The following ANKRD31 variants were observed in gnomAD, a reference collection of about 807,000 sequenced individuals.
The protein encoded by ANKRD31 is ankyrin repeat domain-containing protein 31.
ANKRD31 carries 147 observed loss-of-function variants against 186.0 expected under a neutral mutation model. That is an observed-to-expected ratio of 0.79 (90% CI 0.69 to 0.91). The LOEUF is 0.91. Among genes scored for constraint, ANKRD31 ranks in the 40% least tolerant of loss-of-function variants. The pLI is 0.00. For synonymous variants in ANKRD31, 673 were observed against 736.4 expected, an observed-to-expected ratio of 0.91 and a Z score of 1.39; for missense variants, 1,986 against 2,148.8, an observed-to-expected ratio of 0.92 and a Z score of 1.50.
intron 24 of ANKRD31, among the ~76,000 whole-genome samples, chr5:75,081,731 A>C (rs1745097627): frequency 6.6e-6 from 1 of 151,550 alleles, no homozygotes; most frequent in Non-Finnish European, 1.5e-5. Context: ...AGAGAGAGAG[A>C]GAGAGAAAGG....
intron 2 of ANKRD31, among the ~76,000 whole-genome samples, chr5:75,224,180 C>CAT (rs2150311878): frequency 8.7e-6 from 1 of 115,120 alleles, no homozygotes; most frequent in African/African-American, 3.9e-5. Flanking sequence ...TATATATATA[C>CAT]ACACATTTCT....
chr5:75,140,291 AAGGAAGGAAGG>A (rs371144956), intron 15 of ANKRD31, among the ~76,000 whole-genome samples: 4 of 41,398 alleles, frequency 9.7e-5, no homozygotes, highest in Middle Eastern at 0.015. Context: ...GAAAGAAAGG[AAGGAAGGAAGG>A]AAGGAAGGAA....
rs183603308 is a variant in ANKRD31 at position 75,223,442 on chromosome 5, C to T, written c.179-1084G>A. On this transcript the variant is annotated intron_variant, in intron 2 of 25. Coordinates refer to ENST00000506364, the MANE Select transcript of ANKRD31 (RefSeq NM_001372053.1). ...TTCATTTTAGATTGTTTTTTTGAAACTCATAATACTAGTACATAGTCCAAA... is the reference window on the plus strand; with the variant it reads ...TTCATTTTAGATTGTTTTTTTGAAATTCATAATACTAGTACATAGTCCAAA... Among the ~76,000 whole-genome samples, 181 of 151,984 alleles carry T rather than the reference C, an allele frequency of 1.2e-3. 2 individuals are homozygous for T. The highest frequency in any genetic ancestry group is 6.8e-3 in the Middle Eastern group (2 of 294).
intron 9 of ANKRD31, among the ~76,000 whole-genome samples, chr5:75,189,444 C>T (rs1267354286): frequency 6.6e-6 from 1 of 152,164 alleles, no homozygotes; most frequent in African/African-American, 2.4e-5. Flanking sequence ...ACAAAGGTAA[C>T]TGAGTACTGC....
At position 75,112,615 on chromosome 5, in the gene ANKRD31, T is replaced by C. The variant is rs1292993995; in HGVS notation, c.4156-15A>G. On this transcript the variant is annotated splice_polypyrimidine_tract_variant and intron_variant, in intron 19 of 25. Transcript: ENST00000506364. Reference sequence around the variant, plus strand: ...AGGGTCTGATGCTATCAGATAAAAATATTTGAAACTTCATTATAAAGGGGT... The same window carrying C: ...AGGGTCTGATGCTATCAGATAAAAACATTTGAAACTTCATTATAAAGGGGT... 1.2e-5 allele frequency: 18 copies of C among 1,454,524 alleles called. No individual in the cohort carries two copies. In the Admixed American group the frequency reaches 3.9e-4, roughly 31 times the overall value. The allele number at this position is 1,454,524 out of a possible 1,614,324, so 90.1% of individuals were successfully genotyped here. A position where few individuals can be genotyped will look rare whatever the true frequency, so the allele number is the denominator to read the frequency against.
At chr5:75,105,364 ATT>A in intron 21 of ANKRD31, 146 bp from the exon 22 acceptor site, 2 of 879,820 alleles carry the variant, frequency 2.3e-6, no homozygotes, top group Non-Finnish European at 3.1e-6. Flanking sequence ...ACTGCCTTTG[ATT>A]TTTTTAATCT....
At chr5:75,212,399 G>T (rs1756708016) in intron 3 of ANKRD31, among the ~76,000 whole-genome samples, 2 of 152,174 alleles carry the variant, frequency 1.3e-5, no homozygotes, top group South Asian at 4.2e-4. Context: ...GATAGCTTGA[G>T]CCCAGGAGTT....
At chr5:75,116,461 G>C in intron 19 of ANKRD31, 105 bp downstream of exon 19, 1 of 425,828 alleles carries the variant, frequency 2.3e-6, no homozygotes, top group Non-Finnish European at 3.8e-6. Context: ...TTCTATCTTT[G>C]TATCATTAAA....
intron 25 of ANKRD31, among the ~76,000 whole-genome samples, chr5:75,070,382 A>G (rs1396854449): frequency 6.6e-6 from 1 of 152,212 alleles, no homozygotes; most frequent in East Asian, 1.9e-4. Flanking sequence ...TTATGATTTG[A>G]AAAACTTAAT....
chr5:75,185,209 A>C (rs772347733), intron 10 of ANKRD31, among the ~76,000 whole-genome samples: 1 of 152,070 alleles, frequency 6.6e-6, no homozygotes, highest in Admixed American at 6.6e-5. Flanking sequence ...GACTGAGGAG[A>C]GTAGTGGGAG....
intron 3 of ANKRD31, among the ~76,000 whole-genome samples, chr5:75,218,152 GAAGTTGGTTTTTTGGAAAAAATT>G (rs1189514329): frequency 6.6e-6 from 1 of 152,028 alleles, no homozygotes; most frequent in African/African-American, 2.4e-5. Flanking sequence ...AACAAATCCA[GAAGTTGGTTTTTTGGAAAAAATT>G]AATAGGACAG....
chr5:75,081,718 C>T (rs201216706), intron 24 of ANKRD31, among the ~76,000 whole-genome samples: 1 of 136,400 alleles, frequency 7.3e-6, no homozygotes, highest in African/African-American at 2.8e-5. Flanking sequence ...GAGAGAGAGA[C>T]AGAGAGAGAG....
intron 4 of ANKRD31, among the ~76,000 whole-genome samples, chr5:75,207,173 A>AGT (rs1157481615): frequency 2.6e-5 from 4 of 152,214 alleles, no homozygotes; most frequent in Admixed American, 1.3e-4. Flanking sequence ...TTTTTAATGC[A>AGT]GTAGGCACAG....
chr5:75,223,732 C>T (rs1309525587), intron 2 of ANKRD31, among the ~76,000 whole-genome samples: 10 of 152,092 alleles, frequency 6.6e-5, no homozygotes, highest in African/African-American at 2.4e-4. Flanking sequence ...TATGCTGATG[C>T]CCTAACCGCC....
chr5:75,112,484 A>G, intron 20 of ANKRD31, 29 bp downstream of exon 20: 1 of 1,358,162 alleles, frequency 7.4e-7, no homozygotes, highest in Non-Finnish European at 1.0e-6. Flanking sequence ...ATCTGAAAAT[A>G]TCATACTTGA....
intron 16 of ANKRD31, among the ~76,000 whole-genome samples, chr5:75,138,224 A>G (rs959800128): frequency 7.9e-5 from 12 of 152,194 alleles, no homozygotes; most frequent in African/African-American, 2.7e-4. Flanking sequence ...TATAAGTGCC[A>G]AAGCAAAAGA....
chr5:75,235,482 G>A (rs558964956), intron 1 of ANKRD31, among the ~76,000 whole-genome samples: 6 of 152,102 alleles, frequency 3.9e-5, no homozygotes, highest in Non-Finnish European at 8.8e-5. Flanking sequence ...GTTTGTTTTC[G>A]GTTTTTTGGT....
rs1019335433 is a variant in ANKRD31, at chr5:75,116,581, T to C, written c.4140A>G (p.Arg1380=). 28 of 1,439,512 alleles carry C rather than the reference T, an allele frequency of 1.9e-5. No individual in the cohort carries two copies. The highest frequency in any genetic ancestry group is 2.4e-5 in the Non-Finnish European group (26 of 1,090,742). 89.2% of individuals were successfully genotyped at this position (1,439,512 alleles called of 1,614,324 possible). The change falls in exon 19 of 26, where the codon AGA becomes AGG. Residue 1380 remains arginine (R), a synonymous_variant. Transcript: ENST00000506364. The stretch of plus-strand genomic sequence containing the variant: ...CTTCACTCACCACAGAAAGGCTTTC[T>C]CTTGATCTTTCTTGGTGTGAAAGGG... ...SSSLSHQERS[R]ESLSVHQTLS... is the part of the protein sequence containing the mutation.
intron 13 of ANKRD31, among the ~76,000 whole-genome samples, chr5:75,147,922 G>A (rs1451018540): frequency 6.6e-6 from 1 of 151,770 alleles, no homozygotes; most frequent in African/African-American, 2.4e-5. Context: ...ATTCCTTTGA[G>A]CTGTAAACAG....
Sources: allele counts gnomAD v4.1 joint callset (sites outside exome capture counted in the v4.1 genomes callset), GRCh38; gene constraint gnomAD v4.1.1; transcripts MANE v1.5; gene names NCBI Gene and HGNC (gene_info 2026-07-23, HGNC 2026-07-21).